MYO15A: variants seen among roughly 807,000 people sequenced by gnomAD.
MYO15A encodes unconventional myosin-XV.
Under a neutral mutation model 394.6 loss-of-function variants are expected in MYO15A, and 308 were observed. The observed-to-expected ratio is 0.78, with a 90% confidence interval of 0.71 to 0.86. MYO15A has a LOEUF of 0.86. Among genes scored for constraint, MYO15A ranks in the 40% least tolerant of loss-of-function variants. MYO15A has a pLI of 0.00. For synonymous variants in MYO15A, 1,957 were observed against 2,003.8 expected (o/e 0.98, Z 0.62); for missense variants, 4,606 against 4,799.1 (o/e 0.96, Z 1.19).
At position 18,119,255 on chromosome 17, in the gene MYO15A, A is replaced by G. The variant is rs2045851568; in HGVS notation, c.455A>G (p.Glu152Gly). The change falls in exon 2 of 66, where the codon GAA (glutamate) becomes GGA (glycine). Residue 152 changes from glutamate (E) to glycine (G), a missense_variant. This residue lies in a region of MYO15A where 1,830 missense variants were observed against 1,689.7 expected (regional missense o/e 1.08). Transcript: ENST00000647165. ...LLKKAEESGS[E>G]QATVDAWLQR... is the part of the protein sequence containing the mutation. ...AAGAAGGCCGAGGAGTCGGGCAGCGAACAGGCCACAGTGGACGCCTGGCTG... is the reference window on the plus strand; with the variant it reads ...AAGAAGGCCGAGGAGTCGGGCAGCGGACAGGCCACAGTGGACGCCTGGCTG... 6.2e-7 allele frequency: 1 copy of G among 1,612,306 alleles called. No individual in the cohort carries two copies. Among genetic ancestry groups the G allele is most frequent in the Non-Finnish European group, 8.5e-7 (1 of 1,179,850 alleles).
At chr17:18,136,091 C>T (rs956892428) in intron 13 of MYO15A, among the ~76,000 whole-genome samples, 5 of 152,224 alleles carry the variant, frequency 3.3e-5, no homozygotes, top group Non-Finnish European at 7.3e-5. Context: ...ATCCCCTCCT[C>T]TAAGAAGCCT....
chr17:18,158,755 C>A (rs895542199), intron 52 of MYO15A, 117 bp downstream of exon 52: 3 of 1,413,910 alleles, frequency 2.1e-6, no homozygotes, highest in Non-Finnish European at 3.0e-6. Context: ...AGATGAGAGA[C>A]CACCCAGGTG....
rs749255688 is a variant in MYO15A, at chr17:18,158,653, C to CA, written c.9083+16dup. On this transcript the variant is annotated intron_variant, in intron 52 of 65. Coordinates refer to ENST00000647165, the MANE Select transcript of MYO15A (RefSeq NM_016239.4). The stretch of plus-strand genomic sequence containing the variant: ...AGGAGACCCCAGTGAGTGGCGGCCC[C>CA]ACCCCTCTTCCCACAGTGGGAGGGT... The CA allele has an allele frequency of 1.9e-6, 3 of 1,612,214 alleles. No homozygotes were observed. In the Admixed American group the frequency reaches 5.0e-5, roughly 27 times the overall value.
In MYO15A at chr17:18,133,302, C is replaced by G. The variant is rs2046202210; in HGVS notation, c.4398C>G (p.Gly1466=). 2 of 1,614,072 alleles carry G rather than the reference C, an allele frequency of 1.2e-6. No individual in the cohort carries two copies. The highest frequency in any genetic ancestry group is 2.2e-5 in the South Asian group (2 of 91,090). ...RRLLAAMEVL[G]FSSEDQDSIF... ...TCCTGGCTGCCATGGAGGTGTTGGG[C>G]TTCAGCAGTGAGGACCAGGACAGCA... The change falls in exon 12 of 66, where the codon GGC becomes GGG. Residue 1466 remains glycine, a synonymous_variant. Coordinates refer to ENST00000647165, the MANE Select transcript of MYO15A (RefSeq NM_016239.4).
rs775684110 is a variant in MYO15A, at chr17:18,171,716, G to A, written c.10161G>A (p.Gln3387=). 1.2e-6 allele frequency: 2 copies of A among 1,612,766 alleles called. No homozygotes were observed. Residue 3387 remains glutamine, a synonymous_variant, in exon 63 of 66, where the codon CAG becomes CAA. Transcript: ENST00000647165. ...CGACCTGGCTCAACCTGGTCAGCCA[G>A]CACCGGCAGCAGACACAGGCGCTCA... ...AGSTWLNLVS[Q]HRQQTQALSP...
Position 18,163,668 on chromosome 17 carries a change from G to A in MYO15A, c.9691-74G>A, listed in dbSNP as rs1327388584. 3 of 1,371,020 alleles carry A rather than the reference G, an allele frequency of 2.2e-6. No homozygotes were observed. In the African/African-American group the frequency reaches 4.3e-5, roughly 20 times the overall value. The allele number at this position is 1,371,020 out of a possible 1,614,324, so 84.9% of individuals were successfully genotyped here. A position where few individuals can be genotyped will look rare whatever the true frequency, so the allele number is the denominator to read the frequency against. On this transcript the variant is annotated intron_variant, in intron 59 of 65. Transcript: ENST00000647165. ...GAGGAACTCCACACATGGCCTCTGG[G>A]GGCCTGAGTGGGGCCAGAAGGACAG...
chr17:18,179,276 C>G lies in MYO15A; in HGVS notation c.*406C>G. The G allele has an allele frequency of 3.0e-6, 1 of 331,926 alleles. No homozygotes were observed. The highest frequency in any genetic ancestry group is 5.9e-6 in the Non-Finnish European group (1 of 170,392). The allele number at this position is 331,926 out of a possible 1,614,324, so 20.6% of individuals were successfully genotyped here. ...TCAGGGTCTGATGTTGGAATCTGCT[C>G]CAACTCCACACCCTAGCCCTTACAT... On this transcript the variant is annotated 3_prime_UTR_variant, in exon 66 of 66. Coordinates refer to ENST00000647165, the MANE Select transcript of MYO15A (RefSeq NM_016239.4).
Position 18,118,953 on chromosome 17 carries a change from C to T in MYO15A, c.153C>T (p.Gly51=), listed in dbSNP as rs778504453. The T allele has an allele frequency of 6.2e-7, 1 of 1,613,404 alleles. No individual in the cohort carries two copies. Residue 51 remains glycine (G), a synonymous_variant, in exon 2 of 66, where the codon GGC becomes GGT. Transcript: ENST00000647165. ...GTACACCCAAGATCTCCAAGAAGGG[C>T]CAGTTCCGCAGCGCCTCGGCCTTCT... ...RDRTPKISKK[G]QFRSASAFFW...
In MYO15A at chr17:18,121,103, G is replaced by A; in HGVS notation, c.2303G>A (p.Arg768Gln). The A allele has an allele frequency of 2.0e-6, 3 of 1,503,010 alleles. No homozygotes were observed. The highest frequency in any genetic ancestry group is 2.7e-5 in the East Asian group (1 of 37,548). 93.1% of individuals were successfully genotyped at this position (1,503,010 alleles called of 1,614,324 possible). ...PGASPRASRR[R>Q]AWSPLASPQP... is the part of the protein sequence containing the mutation. ...GCCTCTCCACGGGCGTCGCGGAGGC[G>A]AGCTTGGTCACCGCTGGCCTCGCCC... The change falls in exon 2 of 66, where the codon CGA becomes CAA. Residue 768 changes from arginine (R) to glutamine (Q), a missense_variant. Physicochemically the swap from Arg to Gln is conservative, Grantham distance 43. Around this residue, in one of 2 missense-constraint regions of MYO15A, gnomAD observed 1,830 missense variants for 1,689.7 expected, o/e 1.08. Transcript: ENST00000647165. The surrounding 1 kb of genome is among the most constrained non-coding windows in gnomAD (Gnocchi z 5.3).
At position 18,109,341 on chromosome 17, in the gene MYO15A, A is replaced by C. The variant is rs868493125; in HGVS notation, c.-220+517A>C. 1.9e-5 allele frequency: 3 copies of C among 155,672 alleles called. No individual in the cohort carries two copies. The Middle Eastern group carries it at 4.4e-3, about 229-fold the overall frequency. 9.6% of individuals were successfully genotyped at this position (155,672 alleles called of 1,614,324 possible). A position where few individuals can be genotyped will look rare whatever the true frequency, so the allele number is the denominator to read the frequency against. ...GGTGAGAGGCTCCAGCCACTGGGCCACAAGTTCCTCACCGTGGATGGGCTT... is the reference window on the plus strand; with the variant it reads ...GGTGAGAGGCTCCAGCCACTGGGCCCCAAGTTCCTCACCGTGGATGGGCTT... On this transcript the variant is annotated intron_variant, in intron 1 of 65. Transcript: ENST00000647165.
chr17:18,156,020 C>T (rs1283840084), intron 47 of MYO15A, 175 bp from the exon 48 acceptor site: 6 of 938,132 alleles, frequency 6.4e-6, no homozygotes, highest in Non-Finnish European at 9.7e-6. Context: ...GAGCTGAAGC[C>T]ACAGCCTGGG....
Position 18,126,837 on chromosome 17 carries a change from G to A in MYO15A, c.3913G>A (p.Ala1305Thr), listed in dbSNP as rs1185866723. The A allele has an allele frequency of 5.0e-6, 8 of 1,613,986 alleles. No homozygotes were observed. Among genetic ancestry groups the A allele is most frequent in the Non-Finnish European group, 6.8e-6 (8 of 1,180,028 alleles). ...TCTCGCCTTCGCCAAAATGCTCGAT[G>A]CCAAACAGAACCAGTGCATAATCAT... ...ANLAFAKMLD[A>T]KQNQCIIISG... Residue 1305 changes from alanine (A) to threonine (T), a missense_variant, in exon 6 of 66, where the codon GCC becomes ACC. Around this residue, in one of 2 missense-constraint regions of MYO15A, gnomAD observed 2,776 missense variants for 3,109.3 expected, o/e 0.89. Coordinates refer to ENST00000647165, the MANE Select transcript of MYO15A (RefSeq NM_016239.4).
Position 18,119,647 on chromosome 17 carries a change from C to T in MYO15A, c.847C>T (p.Pro283Ser). ...PYGDHYYGYP[P>S]EDPYDYYHPD... ...CGGCGACCACTACTACGGGTACCCGCCCGAGGATCCCTACGACTACTACCA... is the reference window on the plus strand; with the variant it reads ...CGGCGACCACTACTACGGGTACCCGTCCGAGGATCCCTACGACTACTACCA... The change falls in exon 2 of 66, where the codon CCC becomes TCC. Residue 283 changes from proline (P) to serine (S), a missense_variant. By Grantham distance (74) the Pro-to-Ser change is moderately conservative (BLOSUM62 -1). Coordinates refer to ENST00000647165, the MANE Select transcript of MYO15A (RefSeq NM_016239.4). The T allele has an allele frequency of 6.2e-7, 1 of 1,603,928 alleles. No homozygotes were observed. The highest frequency in any genetic ancestry group is 8.5e-7 in the Non-Finnish European group (1 of 1,179,914).
In MYO15A at chr17:18,172,228, C is replaced by CCAG; in HGVS notation, c.10290_10292dup (p.Ala3431dup). 2.5e-6 allele frequency: 4 copies of CCAG among 1,614,230 alleles called. No individual in the cohort carries two copies. Among genetic ancestry groups the CCAG allele is most frequent in the Non-Finnish European group, 3.4e-6 (4 of 1,180,040 alleles). On this transcript the variant is annotated inframe_insertion, in exon 64 of 66. Transcript: ENST00000647165. ...CCAGAGCTGCAGCAACATTGCTGTG[C>CCAG]CAGCCCCTTGCATCCTTGCCATCAA...
intron 28 of MYO15A, 135 bp from the exon 29 acceptor site, chr17:18,144,362 A>G (rs1421016249): frequency 4.7e-6 from 4 of 843,466 alleles, no homozygotes; most frequent in African/African-American, 3.4e-5. Flanking sequence ...CACCAGCCTC[A>G]GTTTCCCCAT....
chr17:18,113,649 CT>C (rs2045748716), intron 1 of MYO15A, among the ~76,000 whole-genome samples: 1 of 151,788 alleles, frequency 6.6e-6, no homozygotes. Context: ...ATTCCAGCTA[CT>C]CAGGAAGCTG....
In MYO15A at chr17:18,142,169, C is replaced by T. The variant is rs748521294; in HGVS notation, c.5740C>T (p.Arg1914Cys). The T allele has an allele frequency of 1.8e-5, 29 of 1,613,798 alleles. No homozygotes were observed. Among genetic ancestry groups the T allele is most frequent in the East Asian group, 4.5e-5 (2 of 44,900 alleles). ...AGCCCTCACTCTGCAGCGCTGCCTC[C>T]GTGGCTTCTTCATTAAGCGGCGATT... ...LAALTLQRCL[R>C]GFFIKRRFRS... The change falls in exon 24 of 66, where the codon CGT (arginine) becomes TGT (cysteine). Residue 1914 changes from arginine to cysteine, a missense_variant. Physicochemically the swap from Arg to Cys is radical, Grantham distance 180. Coordinates refer to ENST00000647165, the MANE Select transcript of MYO15A (RefSeq NM_016239.4).
intron 50 of MYO15A, 91 bp from the exon 51 acceptor site, chr17:18,157,631 G>C: frequency 1.3e-6 from 2 of 1,583,930 alleles, no homozygotes; most frequent in Non-Finnish European, 8.5e-7. Flanking sequence ...TCCAGAGAAG[G>C]GTTAAGAATG....
At chr17:18,165,716 C>T (rs959622064) in intron 60 of MYO15A, among the ~76,000 whole-genome samples, 7 of 152,244 alleles carry the variant, frequency 4.6e-5, no homozygotes, top group Admixed American at 4.6e-4. Flanking sequence ...ATTCAGCCTG[C>T]CACAGAAGCT....
Sources: allele counts gnomAD v4.1 joint callset (sites outside exome capture counted in the v4.1 genomes callset), GRCh38; gene constraint gnomAD v4.1.1; regional missense constraint gnomAD v4.1.1; non-coding constraint Gnocchi (gnomAD v3.1); transcripts MANE v1.5; gene names NCBI Gene and HGNC (gene_info 2026-07-23, HGNC 2026-07-21).